SORCS1: variants seen among roughly 807,000 people sequenced by gnomAD.
SORCS1 encodes sortilin related VPS10 domain containing receptor 1, also known as VPS10 domain-containing receptor SorCS1.
A neutral mutation model predicts 146.1 loss-of-function variants in SORCS1; 60 were observed. The observed-to-expected ratio is 0.41, with a 90% CI of 0.33 to 0.51. The LOEUF (loss-of-function observed/expected upper bound fraction) is 0.51, where lower values mean the gene tolerates loss of function less well. Ranked by LOEUF, SORCS1 falls within the 20% of genes least tolerant of loss-of-function variation. The pLI is 0.21. For missense variants in SORCS1, 1,352 were observed against 1,487.6 expected, an observed-to-expected ratio of 0.91 and a Z score of 1.50; for synonymous variants, 637 against 584.0, an observed-to-expected ratio of 1.09 and a Z score of -1.31.
At chr10:106,770,312 T>C (rs1859920038) in intron 4 of SORCS1, among the ~76,000 whole-genome samples, 1 of 152,180 alleles carries the variant, frequency 6.6e-6, no homozygotes, top group Non-Finnish European at 1.5e-5. Flanking sequence ...GTTTTCCACA[T>C]GTTCTTACTT....
At position 106,622,402 on chromosome 10, in the gene SORCS1, T is replaced by C. The variant is rs576045164; in HGVS notation, c.2663-1841A>G. The stretch of plus-strand genomic sequence containing the variant: ...ACAGAAGACAGAGGCTGAAAACTTC[T>C]TGAGGGTAAGAATTCTTCATATTTA... On this transcript the variant is annotated intron_variant, in intron 19 of 25. Coordinates refer to ENST00000263054, the MANE Select transcript of SORCS1 (RefSeq NM_052918.5). Among the ~76,000 whole-genome samples the C allele has an allele frequency of 5.9e-5, 9 of 152,242 alleles. No individual in the cohort carries two copies. In the East Asian group the frequency reaches 1.7e-3, roughly 29 times the overall value.
intron 2 of SORCS1, among the ~76,000 whole-genome samples, chr10:106,938,027 A>C (rs1349680650): frequency 6.6e-6 from 1 of 152,116 alleles, no homozygotes; most frequent in Middle Eastern, 3.2e-3. Context: ...CAGTTGAAGA[A>C]AATGAGGTCC....
rs962928627 is a variant in SORCS1, at chr10:106,882,454, T to C, written c.627-52781A>G. Among the ~76,000 whole-genome samples the C allele has an allele frequency of 2.6e-5, 4 of 152,212 alleles. No homozygotes were observed. In the South Asian group the frequency reaches 6.2e-4, roughly 24 times the overall value. Reference sequence around the variant, plus strand: ...TACATATTCTTGGCTTTGTGGGTCATAGAGTCTCATTTGCAATTTTTCAAC... The same window carrying C: ...TACATATTCTTGGCTTTGTGGGTCACAGAGTCTCATTTGCAATTTTTCAAC... On this transcript the variant is annotated intron_variant, in intron 2 of 25. Transcript: ENST00000263054.
intron 1 of SORCS1, among the ~76,000 whole-genome samples, chr10:107,009,173 C>T (rs1957583034): frequency 6.6e-6 from 1 of 152,020 alleles, no homozygotes; most frequent in Non-Finnish European, 1.5e-5. Flanking sequence ...TCAAGTATGG[C>T]AAAAATGCAG....
At chr10:106,791,186 G>T (rs1010986259) in intron 3 of SORCS1, among the ~76,000 whole-genome samples, 1 of 152,080 alleles carries the variant, frequency 6.6e-6, no homozygotes, top group Non-Finnish European at 1.5e-5. Context: ...CTTTAAAGCC[G>T]CACTTCGAAG....
At chr10:107,082,487 G>GA (rs1963406194) in intron 1 of SORCS1, among the ~76,000 whole-genome samples, 3 of 148,994 alleles carry the variant, frequency 2.0e-5, no homozygotes, top group Admixed American at 2.0e-4. Flanking sequence ...TTTCTTTTTT[G>GA]TTTTTTTAGA....
intron 20 of SORCS1, among the ~76,000 whole-genome samples, chr10:106,619,266 G>A (rs1847582200): frequency 6.6e-6 from 1 of 152,174 alleles, no homozygotes; most frequent in Non-Finnish European, 1.5e-5. Flanking sequence ...GCCCACTATG[G>A]GCTGAGTTCA....
At chr10:106,979,957 C>A (rs990709004) in intron 1 of SORCS1, among the ~76,000 whole-genome samples, 1 of 152,128 alleles carries the variant, frequency 6.6e-6, no homozygotes, top group Admixed American at 6.5e-5. Flanking sequence ...ACATGGTAGT[C>A]CTTCAAATGT....
chr10:106,768,849 C>G (rs1363196559), intron 4 of SORCS1, among the ~76,000 whole-genome samples: 1 of 152,180 alleles, frequency 6.6e-6, no homozygotes, highest in Non-Finnish European at 1.5e-5. Flanking sequence ...TGCTATGTGT[C>G]AGGCTCTGTG....
chr10:106,829,831 T>C (rs1189060347), intron 2 of SORCS1, among the ~76,000 whole-genome samples, 158 bp from the exon 3 acceptor site: 2 of 152,210 alleles, frequency 1.3e-5, no homozygotes, highest in Admixed American at 6.5e-5. Context: ...AGTAGCATCA[T>C]GTGAGTGGTT....
chr10:107,100,955 C>T (rs1300449505), intron 1 of SORCS1, among the ~76,000 whole-genome samples: 1 of 152,214 alleles, frequency 6.6e-6, no homozygotes, highest in Non-Finnish European at 1.5e-5. Flanking sequence ...AGCAGTGATG[C>T]AATCTTATAG....
At chr10:106,865,576 T>G (rs1950196084) in intron 2 of SORCS1, among the ~76,000 whole-genome samples, 1 of 151,578 alleles carries the variant, frequency 6.6e-6, no homozygotes, top group Non-Finnish European at 1.5e-5. Context: ...ATACAAAAAA[T>G]TAGCCAGGCG....
At chr10:107,018,105 T>C (rs376226905) in intron 1 of SORCS1, among the ~76,000 whole-genome samples, 3 of 152,314 alleles carry the variant, frequency 2.0e-5, no homozygotes, top group South Asian at 4.1e-4. Context: ...TAAACTGGTC[T>C]TGCTAAGTTC....
chr10:106,745,216 A>G (rs544362372), intron 5 of SORCS1, among the ~76,000 whole-genome samples: 2 of 152,224 alleles, frequency 1.3e-5, no homozygotes, highest in African/African-American at 4.8e-5. Flanking sequence ...GATCAAGACC[A>G]TCCTGGCTAA....
intron 5 of SORCS1, among the ~76,000 whole-genome samples, chr10:106,754,901 C>T (rs1311420735): frequency 1.3e-5 from 2 of 152,218 alleles, no homozygotes; most frequent in Non-Finnish European, 2.9e-5. Context: ...TTCAAGCCAG[C>T]TGTCTGTATG....
At chr10:107,015,585 C>A (rs1957864141) in intron 1 of SORCS1, among the ~76,000 whole-genome samples, 1 of 152,150 alleles carries the variant, frequency 6.6e-6, no homozygotes, top group South Asian at 2.1e-4. Context: ...TATATGAAAA[C>A]AATATCCATA....
intron 1 of SORCS1, among the ~76,000 whole-genome samples, chr10:107,108,838 A>T (rs1396922910): frequency 6.6e-6 from 1 of 152,224 alleles, no homozygotes; most frequent in Non-Finnish European, 1.5e-5. Flanking sequence ...TACTTCCAAG[A>T]TTCAATGAGT....
At chr10:106,585,107 C>A (rs537347625) in intron 24 of SORCS1, among the ~76,000 whole-genome samples, 1 of 151,818 alleles carries the variant, frequency 6.6e-6, no homozygotes, top group South Asian at 2.1e-4. Flanking sequence ...ACCTGTAGTC[C>A]CAGCTACTCG....
chr10:106,719,710 C>T (rs993117330), intron 6 of SORCS1, among the ~76,000 whole-genome samples: 5 of 152,162 alleles, frequency 3.3e-5, no homozygotes, highest in African/African-American at 9.7e-5. Context: ...TGCGCCCGGC[C>T]TCAATGAATA....
Sources: gnomAD v4.1 joint callset for allele counts (sites outside exome capture counted in the v4.1 genomes callset) on GRCh38, gnomAD v4.1.1 for gene constraint, MANE v1.5 for transcripts, NCBI Gene and HGNC (gene_info 2026-07-23, HGNC 2026-07-21) for gene names.